The following EPHA3 variants were observed in gnomAD, a reference collection of about 807,000 sequenced individuals.
EPHA3 encodes EPH receptor A3.
EPHA3 carries 42 observed loss-of-function variants against 107.1 expected under a neutral mutation model. The ratio of observed to expected loss-of-function variants is 0.39; its 90% CI spans 0.31 to 0.51. The LOEUF is 0.51. Among genes scored for constraint, EPHA3 ranks in the 20% least tolerant of loss-of-function variants. EPHA3 has a pLI of 0.78. For missense variants in EPHA3, 1,183 were observed against 1,211.2 expected, an observed-to-expected ratio of 0.98 and a Z score of 0.35; for synonymous variants, 461 against 424.8, an observed-to-expected ratio of 1.09 and a Z score of -1.05.
At chr3:89,240,549 T>C (rs932403247) in intron 3 of EPHA3, among the ~76,000 whole-genome samples, 3 of 152,064 alleles carry the variant, frequency 2.0e-5, no homozygotes, top group Admixed American at 2.0e-4. Flanking sequence ...AGTAAACCAG[T>C]AAAGTAGGAG....
intron 3 of EPHA3, among the ~76,000 whole-genome samples, chr3:89,215,240 G>T (rs1276289167): frequency 6.6e-6 from 1 of 151,888 alleles, no homozygotes; most frequent in Admixed American, 6.6e-5. Flanking sequence ...TATGTCAAAT[G>T]TGCTTACACG....
intron 3 of EPHA3, among the ~76,000 whole-genome samples, chr3:89,229,353 C>T (rs1447063577): frequency 6.6e-6 from 1 of 151,586 alleles, no homozygotes; most frequent in Non-Finnish European, 1.5e-5. Flanking sequence ...ATTTTTATTC[C>T]TGCCTAATTA....
rs143734510 is a variant in EPHA3 at position 89,230,146 on chromosome 3, G to C, written c.814+19626G>C. 1.5e-4 allele frequency among the ~76,000 whole-genome samples: 23 copies of C among 152,130 alleles called. No individual in the cohort carries two copies. The East Asian group carries it at 3.7e-3, about 24-fold the overall frequency. Reference sequence around the variant, plus strand: ...AGAGAGGAAGACCCAGAGCAATTAAGTAAACTCACCAAGGTCATTCCAGCT... The same window carrying C: ...AGAGAGGAAGACCCAGAGCAATTAACTAAACTCACCAAGGTCATTCCAGCT... On this transcript the variant is annotated intron_variant, in intron 3 of 16. Transcript: ENST00000336596.
intron 3 of EPHA3, among the ~76,000 whole-genome samples, chr3:89,282,569 C>A (rs1321522429): frequency 6.6e-6 from 1 of 151,934 alleles, no homozygotes; most frequent in Non-Finnish European, 1.5e-5. Context: ...ATTTATAGTT[C>A]ATTGCCTTTA....
intron 10 of EPHA3, among the ~76,000 whole-genome samples, chr3:89,416,318 A>G (rs1576367220): frequency 6.6e-6 from 1 of 151,568 alleles, no homozygotes; most frequent in South Asian, 2.1e-4. Context: ...TTATCTAGAA[A>G]TGACAAGATC....
intron 5 of EPHA3, among the ~76,000 whole-genome samples, chr3:89,359,500 G>T (rs554550268): frequency 6.7e-6 from 1 of 150,266 alleles, no homozygotes; most frequent in East Asian, 2.0e-4. Context: ...AGTACTTAAG[G>T]AGATTTTATA....
rs545092862 is a variant in EPHA3, at chr3:89,456,685, A to G, written c.2690+6315A>G. 4.3e-4 allele frequency among the ~76,000 whole-genome samples: 65 copies of G among 152,264 alleles called. No individual in the cohort carries two copies. The South Asian group carries it at 0.011, about 26-fold the overall frequency. On this transcript the variant is annotated intron_variant, in intron 15 of 16. Transcript: ENST00000336596. Reference sequence around the variant, plus strand: ...TGGTCAGGGTGGGCCAGATCAAACAATTACTTAGATGCTGCAAAGAATCAT... The same window carrying G: ...TGGTCAGGGTGGGCCAGATCAAACAGTTACTTAGATGCTGCAAAGAATCAT...
chr3:89,450,072 T>G, intron 14 of EPHA3, 105 bp from the exon 15 acceptor site: 1 of 931,876 alleles, frequency 1.1e-6, no homozygotes, highest in African/African-American at 1.7e-5. Flanking sequence ...GTTTTCCCAC[T>G]TACCTTTAAA....
At chr3:89,147,229 T>C (rs1012085177) in intron 2 of EPHA3, among the ~76,000 whole-genome samples, 1 of 151,708 alleles carries the variant, frequency 6.6e-6, no homozygotes, top group African/African-American at 2.4e-5. Context: ...GAATACCTAA[T>C]GCATGCGGGG....
intron 2 of EPHA3, among the ~76,000 whole-genome samples, chr3:89,186,494 G>C (rs975323871): frequency 6.6e-6 from 1 of 151,942 alleles, no homozygotes; most frequent in Non-Finnish European, 1.5e-5. Context: ...CCACTGTCAC[G>C]AATTTCACTC....
intron 3 of EPHA3, among the ~76,000 whole-genome samples, chr3:89,290,435 A>T (rs576092484): frequency 6.6e-6 from 1 of 152,174 alleles, no homozygotes; most frequent in Non-Finnish European, 1.5e-5. Flanking sequence ...TGTAGCATAC[A>T]TCATATGGAA....
At chr3:89,218,934 G>T (rs1704284042) in intron 3 of EPHA3, among the ~76,000 whole-genome samples, 1 of 152,080 alleles carries the variant, frequency 6.6e-6, no homozygotes, top group Non-Finnish European at 1.5e-5. Flanking sequence ...ATTCCTCAGG[G>T]ATCTAGAACT....
intron 15 of EPHA3, among the ~76,000 whole-genome samples, chr3:89,467,351 A>AT (rs1335206131): frequency 2.6e-5 from 4 of 152,200 alleles, no homozygotes; most frequent in Non-Finnish European, 5.9e-5. Context: ...TTCACAACAA[A>AT]TAAAAAATAA....
At chr3:89,460,823 C>CTCTTTTTTTTTTTTTTTTTT (rs1199238290) in intron 15 of EPHA3, among the ~76,000 whole-genome samples, 11 of 102,990 alleles carry the variant, frequency 1.1e-4, no homozygotes, top group Admixed American at 1.9e-4. Context: ...CTCTGTCTCT[C>CTCTTTTTTTTTTTTTTTTTT]TTTTTTTTTT....
chr3:89,214,081 T>C (rs1704170043), intron 3 of EPHA3, among the ~76,000 whole-genome samples: 1 of 152,034 alleles, frequency 6.6e-6, no homozygotes, highest in African/African-American at 2.4e-5. Flanking sequence ...CTCATCAATT[T>C]ATGTACATGA....
chr3:89,159,889 T>G (rs1704892231), intron 2 of EPHA3, among the ~76,000 whole-genome samples: 1 of 152,082 alleles, frequency 6.6e-6, no homozygotes, highest in Admixed American at 6.6e-5. Context: ...CTAGGCTTTA[T>G]ATGGGCTATG....
chr3:89,204,189 A>G (rs1706044208), intron 2 of EPHA3, among the ~76,000 whole-genome samples: 1 of 152,098 alleles, frequency 6.6e-6, no homozygotes. Flanking sequence ...AGATCTTTTC[A>G]GTATACTGTG....
intron 2 of EPHA3, among the ~76,000 whole-genome samples, chr3:89,162,967 T>C (rs1704983105): frequency 6.6e-6 from 1 of 152,214 alleles, no homozygotes; most frequent in Non-Finnish European, 1.5e-5. Flanking sequence ...CAAATTGCAG[T>C]GTCAGCCTCT....
chr3:89,148,685 G>C (rs1458599550), intron 2 of EPHA3, among the ~76,000 whole-genome samples: 1 of 151,852 alleles, frequency 6.6e-6, no homozygotes, highest in African/African-American at 2.4e-5. Flanking sequence ...AATATTCCTT[G>C]ATGATGAATT....
Sources: gnomAD v4.1 joint callset for allele counts (sites outside exome capture counted in the v4.1 genomes callset) on GRCh38, gnomAD v4.1.1 for gene constraint, MANE v1.5 for transcripts, NCBI Gene and HGNC (gene_info 2026-07-23, HGNC 2026-07-21) for gene names.